SUCO: variants seen among roughly 807,000 people sequenced by gnomAD.
The protein encoded by SUCO is SUN domain containing ossification factor.
Under a neutral mutation model 148.1 loss-of-function variants are expected in SUCO, and 57 were observed. The ratio of observed to expected loss-of-function variants is 0.38; its 90% CI spans 0.31 to 0.48. The LOEUF (loss-of-function observed/expected upper bound fraction) is 0.48. SUCO is among the 20% of genes least tolerant of loss of function. The pLI is 0.96. For missense variants in SUCO, 1,331 were observed against 1,468.2 expected (o/e 0.91, Z 1.53); for synonymous variants, 470 against 502.7 (o/e 0.93, Z 0.87).
At chr1:172,561,317 A>G (rs1654135103) in intron 6 of SUCO, among the ~76,000 whole-genome samples, 1 of 152,086 alleles carries the variant, frequency 6.6e-6, no homozygotes, top group Admixed American at 6.5e-5. Flanking sequence ...CCACTTATCA[A>G]GTAAGGGTTT....
chr1:172,575,049 GT>G (rs1382514277), intron 10 of SUCO: 2 of 223,900 alleles, frequency 8.9e-6, no homozygotes, highest in Non-Finnish European at 1.5e-5. Flanking sequence ...AGATATAATA[GT>G]TTTAGACTTT....
At chr1:172,554,954 G>T (rs1270775349) in intron 3 of SUCO, among the ~76,000 whole-genome samples, 4 of 151,808 alleles carry the variant, frequency 2.6e-5, no homozygotes, top group Non-Finnish European at 5.9e-5. Context: ...TGCGTGCCTC[G>T]ATGTTTGTTT....
rs111755666 is a variant in SUCO, at chr1:172,543,657, C to T, written c.63-7855C>T. On this transcript the variant is annotated intron_variant, in intron 1 of 23. Coordinates refer to ENST00000263688, the MANE Select transcript of SUCO (RefSeq NM_014283.5). ...TAAGAAAATTTAAGACCCAATCCTA[C>T]ATCAGAGTGAAGTTAAAAGTCAGAA... Among the ~76,000 whole-genome samples, 394 of 152,234 alleles carry T rather than the reference C, an allele frequency of 2.6e-3. 1 individual carries two copies. The highest frequency in any genetic ancestry group is 9.0e-3 in the African/African-American group (373 of 41,538).
intron 14 of SUCO, 63 bp from the exon 15 acceptor site, chr1:172,579,139 T>A (rs1655680100): frequency 1.1e-6 from 1 of 921,854 alleles, no homozygotes; most frequent in African/African-American, 1.7e-5. Context: ...AATTTGAGCT[T>A]TTAAATATGT....
At chr1:172,570,232 G>A in intron 8 of SUCO, 61 bp downstream of exon 8, 11 of 1,021,768 alleles carry the variant, frequency 1.1e-5, no homozygotes, top group Non-Finnish European at 1.4e-5. Flanking sequence ...TAAAATACAG[G>A]TTATTTGTTT....
At chr1:172,532,975 G>A, upstream of SUCO, 1 of 1,380,762 alleles carries the variant, frequency 7.2e-7, no homozygotes, top group South Asian at 1.5e-5. Context: ...GGCGTGGCCT[G>A]CGCAGAGGCT....
At chr1:172,541,969 TG>T (rs1255279213) in intron 1 of SUCO, 4 of 386,264 alleles carry the variant, frequency 1.0e-5, no homozygotes, top group African/African-American at 8.8e-5. Context: ...CAAAAAGAAG[TG>T]GAAGAGTTGG....
chr1:172,544,062 T>C, intron 1 of SUCO: 1 of 427,142 alleles, frequency 2.3e-6, no homozygotes, highest in Non-Finnish European at 3.1e-6. Context: ...AGTTTCTCAA[T>C]ACTTACAGGA....
intron 19 of SUCO, among the ~76,000 whole-genome samples, chr1:172,599,792 A>G (rs1657379165): frequency 6.6e-6 from 1 of 152,216 alleles, no homozygotes; most frequent in Non-Finnish European, 1.5e-5. Context: ...TAATTTACCA[A>G]ATTCTGTTAT....
chr1:172,578,700 A>C (rs1655647884), intron 14 of SUCO: 1 of 247,614 alleles, frequency 4.0e-6, no homozygotes, highest in Non-Finnish European at 6.4e-6. Context: ...CAAGATACTG[A>C]AATAGTAGAA....
At position 172,593,609 on chromosome 1, in the gene SUCO, A is replaced by C. The variant is rs149776389; in HGVS notation, c.2913+2538A>C. On this transcript the variant is annotated intron_variant, in intron 19 of 23. Transcript: ENST00000263688. ...TTTCCATGTGTTGAACCAGCCGTGC[A>C]TCCCAGGGATGAAGCCAACTTGATC... Among the ~76,000 whole-genome samples, 1,444 of 152,338 alleles carry C rather than the reference A, an allele frequency of 9.5e-3. 17 individuals carry two copies. Among genetic ancestry groups the C allele is most frequent in the Middle Eastern group, 0.024 (7 of 294 alleles).
intron 3 of SUCO, among the ~76,000 whole-genome samples, chr1:172,553,572 G>A (rs920161917): frequency 3.9e-5 from 6 of 152,060 alleles, no homozygotes; most frequent in African/African-American, 1.4e-4. Flanking sequence ...AATGTGACTA[G>A]TCTCTTGGTA....
chr1:172,554,227 G>A (rs1400989784), intron 3 of SUCO, among the ~76,000 whole-genome samples: 4 of 152,188 alleles, frequency 2.6e-5, no homozygotes, highest in Non-Finnish European at 2.9e-5. Flanking sequence ...TTTATGCATA[G>A]GAGTAAGAGA....
chr1:172,608,921 T>C, intron 23 of SUCO, 119 bp downstream of exon 23: 2 of 726,756 alleles, frequency 2.8e-6, no homozygotes, highest in Non-Finnish European at 4.6e-6. Flanking sequence ...GTTTATTTTC[T>C]ATCATGATAA....
chr1:172,602,897 A>G, intron 22 of SUCO, 110 bp downstream of exon 22: 3 of 900,636 alleles, frequency 3.3e-6, no homozygotes, highest in Non-Finnish European at 5.2e-6. Flanking sequence ...AAATGGATAC[A>G]AGTAGCCTTT....
At chr1:172,579,176 A>T in intron 14 of SUCO, 26 bp from the exon 15 acceptor site, 2 of 1,333,904 alleles carry the variant, frequency 1.5e-6, no homozygotes, top group Non-Finnish European at 2.2e-6. Flanking sequence ...TCTCAGCATA[A>T]TTACTTTTAT....
At chr1:172,606,172 T>C (rs1321925888) in intron 22 of SUCO, among the ~76,000 whole-genome samples, 1 of 151,706 alleles carries the variant, frequency 6.6e-6, no homozygotes, top group East Asian at 1.9e-4. Context: ...GATAATTATT[T>C]AGAAATTTTG....
intron 1 of SUCO, among the ~76,000 whole-genome samples, chr1:172,538,821 G>A (rs1354351981): frequency 6.6e-6 from 1 of 152,094 alleles, no homozygotes. Flanking sequence ...AGAGGTGTCG[G>A]GTCATACAGT....
intron 9 of SUCO, among the ~76,000 whole-genome samples, chr1:172,571,337 A>G (rs921806896): frequency 5.3e-5 from 8 of 152,196 alleles, no homozygotes; most frequent in African/African-American, 1.9e-4. Context: ...CCGGGATTGC[A>G]GACGGAGTCT....
Sources: allele counts gnomAD v4.1 joint callset (sites outside exome capture counted in the v4.1 genomes callset), GRCh38; gene constraint gnomAD v4.1.1; transcripts MANE v1.5; gene names NCBI Gene and HGNC (gene_info 2026-07-23, HGNC 2026-07-21).